CA10: variants seen among roughly 807,000 people sequenced by gnomAD.
CA10 encodes carbonic anhydrase 10 (inactive), also known as carbonic anhydrase-related protein 10.
A neutral mutation model predicts 44.2 loss-of-function variants in CA10; 14 were observed. That is an observed-to-expected ratio of 0.32 (90% CI 0.21 to 0.50). CA10 has a LOEUF of 0.50. Among genes scored for constraint, CA10 ranks in the 20% least tolerant of loss-of-function variants. The pLI is 0.99. For synonymous variants in CA10, 159 were observed against 141.6 expected (o/e 1.12, Z -0.87); for missense variants, 350 against 409.7 (o/e 0.85, Z 1.26).
intron 3 of CA10, among the ~76,000 whole-genome samples, chr17:51,893,215 G>A (rs1335973040): frequency 6.6e-6 from 1 of 152,154 alleles, no homozygotes; most frequent in Non-Finnish European, 1.5e-5. Context: ...AGGATTGAGA[G>A]TAACATGAAA....
chr17:51,860,249 C>T (rs1372919780), intron 3 of CA10, among the ~76,000 whole-genome samples: 1 of 152,134 alleles, frequency 6.6e-6, no homozygotes, highest in African/African-American at 2.4e-5. Context: ...AGTGCTGACC[C>T]CATGAAATTA....
intron 1 of CA10, among the ~76,000 whole-genome samples, chr17:52,075,746 C>T (rs1028841905): frequency 2.0e-5 from 3 of 152,108 alleles, no homozygotes; most frequent in African/African-American, 7.2e-5. Flanking sequence ...TTGACAGTCA[C>T]TGACCTAAAG....
intron 4 of CA10, among the ~76,000 whole-genome samples, chr17:51,692,429 TACCA>T (rs1375161819): frequency 1.5e-5 from 1 of 66,286 alleles, no homozygotes. Flanking sequence ...CTATCTATTT[TACCA>T]TTTACCATGG....
chr17:52,153,249 A>C (rs1333072102), intron 1 of CA10, among the ~76,000 whole-genome samples: 1 of 152,180 alleles, frequency 6.6e-6, no homozygotes, highest in Non-Finnish European at 1.5e-5. Flanking sequence ...GCTATATGAC[A>C]TCACATGGGA....
At chr17:52,020,423 T>C (rs1016288917) in intron 2 of CA10, among the ~76,000 whole-genome samples, 1 of 152,044 alleles carries the variant, frequency 6.6e-6, no homozygotes, top group Non-Finnish European at 1.5e-5. Context: ...ATGTCTACTT[T>C]TTCCTCATTA....
intron 3 of CA10, among the ~76,000 whole-genome samples, chr17:51,791,501 G>C (rs1451213634): frequency 6.6e-6 from 1 of 152,146 alleles, no homozygotes; most frequent in Non-Finnish European, 1.5e-5. Context: ...TGCTAGACTT[G>C]GTAACTGATT....
intron 3 of CA10, among the ~76,000 whole-genome samples, chr17:51,856,767 G>T (rs1177436524): frequency 1.3e-5 from 2 of 152,136 alleles, no homozygotes; most frequent in African/African-American, 4.8e-5. Flanking sequence ...TTATCTGGAG[G>T]TCTGAGGAAC....
At chr17:52,148,227 C>G (rs1989630338) in intron 1 of CA10, among the ~76,000 whole-genome samples, 1 of 152,172 alleles carries the variant, frequency 6.6e-6, no homozygotes, top group Admixed American at 6.5e-5. Flanking sequence ...AACAAGGGAA[C>G]AGTGAGCTTT....
At chr17:51,928,944 A>G (rs1264680486) in intron 3 of CA10, among the ~76,000 whole-genome samples, 1 of 152,216 alleles carries the variant, frequency 6.6e-6, no homozygotes, top group African/African-American at 2.4e-5. Flanking sequence ...ACCATCAGAC[A>G]GTTCTCAGCT....
At chr17:52,009,128 G>T (rs189950) in intron 2 of CA10, among the ~76,000 whole-genome samples, 1 of 151,576 alleles carries the variant, frequency 6.6e-6, no homozygotes, top group African/African-American at 2.4e-5. Context: ...TCAAGAGTCA[G>T]CCTCCCTCTA....
At chr17:51,784,595 A>G (rs1906187883) in intron 3 of CA10, among the ~76,000 whole-genome samples, 1 of 152,162 alleles carries the variant, frequency 6.6e-6, no homozygotes. Flanking sequence ...CCCACACATT[A>G]GTGAGAACAT....
chr17:51,704,496 C>T (rs1915700394), intron 4 of CA10, among the ~76,000 whole-genome samples: 1 of 152,214 alleles, frequency 6.6e-6, no homozygotes, highest in South Asian at 2.1e-4. Context: ...GGAATGCTCT[C>T]TAAGATCTCT....
chr17:51,717,693 A>G (rs370162076), intron 4 of CA10, among the ~76,000 whole-genome samples: 4 of 72,176 alleles, frequency 5.5e-5, no homozygotes, highest in Non-Finnish European at 8.7e-5. Flanking sequence ...ATGTATACAT[A>G]TATGCATGTA....
chr17:51,652,118 A>ATTCT (rs1182791245), intron 5 of CA10, among the ~76,000 whole-genome samples: 1 of 152,144 alleles, frequency 6.6e-6, no homozygotes, highest in Non-Finnish European at 1.5e-5. Flanking sequence ...TGAGTAAGCC[A>ATTCT]TTCTTTCATG....
intron 6 of CA10, among the ~76,000 whole-genome samples, chr17:51,648,640 T>A (rs1261684726): frequency 2.0e-5 from 3 of 152,202 alleles, no homozygotes; most frequent in Non-Finnish European, 2.9e-5. Context: ...TTCTGCATAA[T>A]GAGTCTGGGG....
intron 1 of CA10, among the ~76,000 whole-genome samples, chr17:52,104,093 A>G (rs1297380176): frequency 2.0e-5 from 3 of 151,654 alleles, no homozygotes; most frequent in Non-Finnish European, 4.4e-5. Context: ...TGGACTTAAG[A>G]TAATATAAGG....
At chr17:51,872,300 C>T (rs1979854697) in intron 3 of CA10, among the ~76,000 whole-genome samples, 1 of 152,156 alleles carries the variant, frequency 6.6e-6, no homozygotes, top group African/African-American at 2.4e-5. Flanking sequence ...TACTCACCTA[C>T]CTGTGATAAG....
At chr17:51,727,407 T>G (rs1354117515) in intron 4 of CA10, among the ~76,000 whole-genome samples, 1 of 151,730 alleles carries the variant, frequency 6.6e-6, no homozygotes, top group East Asian at 1.9e-4. Context: ...CGATTTTTTT[T>G]TTTACTTTAA....
intron 2 of CA10, among the ~76,000 whole-genome samples, chr17:52,013,478 G>C (rs1985872507): frequency 6.6e-6 from 1 of 151,906 alleles, no homozygotes; most frequent in African/African-American, 2.4e-5. Context: ...TTAAACAACA[G>C]CTATGATTAG....
Sources: gnomAD v4.1 joint callset for allele counts (sites outside exome capture counted in the v4.1 genomes callset) on GRCh38, gnomAD v4.1.1 for gene constraint, MANE v1.5 for transcripts, NCBI Gene and HGNC (gene_info 2026-07-23, HGNC 2026-07-21) for gene names.